SYTL2: variants seen among roughly 807,000 people sequenced by gnomAD.
The protein encoded by SYTL2 is synaptotagmin-like protein 2.
A neutral mutation model predicts 198.7 loss-of-function variants in SYTL2; 165 were observed. The observed-to-expected ratio is 0.83, with a 90% CI of 0.73 to 0.94. The LOEUF (loss-of-function observed/expected upper bound fraction) is 0.94, where lower values mean the gene tolerates loss of function less well. Ranked by LOEUF, SYTL2 falls within the 40% of genes least tolerant of loss-of-function variation. SYTL2 has a pLI of 0.00. For synonymous variants in SYTL2, 966 were observed against 917.7 expected (o/e 1.05, Z -0.95); for missense variants, 2,835 against 2,582.8 (o/e 1.10, Z -2.12).
chr11:85,702,950 CA>C (rs1423547104), intron 16 of SYTL2, among the ~76,000 whole-genome samples: 1 of 152,026 alleles, frequency 6.6e-6, no homozygotes, highest in African/African-American at 2.4e-5. Flanking sequence ...GAAATGGAAT[CA>C]AAATAGTCAA....
intron 1 of SYTL2, among the ~76,000 whole-genome samples, chr11:85,780,949 C>G (rs2092549345): frequency 6.6e-6 from 1 of 152,198 alleles, no homozygotes; most frequent in Non-Finnish European, 1.5e-5. Context: ...GGATACCCAG[C>G]TGGTGTTTGC....
chr11:85,768,823 C>A (rs1245537239), intron 1 of SYTL2, among the ~76,000 whole-genome samples: 1 of 152,074 alleles, frequency 6.6e-6, no homozygotes, highest in Non-Finnish European at 1.5e-5. Context: ...TCTTCAAACA[C>A]AAGAATTCTC....
At chr11:85,736,455 C>G (rs2090343227) in intron 6 of SYTL2, 46 bp downstream of exon 6, 1 of 1,012,900 alleles carries the variant, frequency 9.9e-7, no homozygotes, top group Non-Finnish European at 1.5e-6. Context: ...CCTTAGTCCA[C>G]AGATAACAAA....
intron 14 of SYTL2, among the ~76,000 whole-genome samples, chr11:85,708,983 C>A (rs573549423): frequency 6.6e-6 from 1 of 151,308 alleles, no homozygotes. Flanking sequence ...GGACTACAGG[C>A]GCCCGCCACC....
chr11:85,696,134 C>T, intron 19 of SYTL2, 49 bp downstream of exon 19: 1 of 1,516,138 alleles, frequency 6.6e-7, no homozygotes, highest in Non-Finnish European at 9.2e-7. Context: ...CCTCTAGTAT[C>T]TCTAGAAAAA....
intron 9 of SYTL2, among the ~76,000 whole-genome samples, chr11:85,719,830 T>C (rs1328224826): frequency 6.6e-6 from 1 of 152,170 alleles, no homozygotes; most frequent in Non-Finnish European, 1.5e-5. Flanking sequence ...TTTTCTTTTC[T>C]TTTTTTCATT....
chr11:85,832,661 A>AT, the SYTL2 span, among the ~76,000 whole-genome samples: 1 of 152,078 alleles, frequency 6.6e-6, no homozygotes, highest in Non-Finnish European at 1.5e-5. Context: ...ATGAGGAAAT[A>AT]ATGTTCAAGC....
chr11:85,719,868 T>G (rs963922008), intron 9 of SYTL2, among the ~76,000 whole-genome samples: 1 of 152,222 alleles, frequency 6.6e-6, no homozygotes, highest in Non-Finnish European at 1.5e-5. Flanking sequence ...TATTCTTAAT[T>G]GCAAATGCAC....
At chr11:85,761,967 G>T (rs116312486) in intron 1 of SYTL2, among the ~76,000 whole-genome samples, 343 of 152,290 alleles carry the variant, frequency 2.3e-3, no homozygotes, top group African/African-American at 7.4e-3. Context: ...CCCAAGGTAG[G>T]TCTTATTATC....
chr11:85,791,023 C>T (rs533680763), intron 1 of SYTL2, among the ~76,000 whole-genome samples: 3 of 151,538 alleles, frequency 2.0e-5, no homozygotes, highest in South Asian at 2.1e-4. Flanking sequence ...AAAAATTAGC[C>T]GGGCATGGTG....
At chr11:85,754,304 G>T (rs1329603876) in intron 2 of SYTL2, among the ~76,000 whole-genome samples, 1 of 152,144 alleles carries the variant, frequency 6.6e-6, no homozygotes, top group Non-Finnish European at 1.5e-5. Flanking sequence ...TCATTGTCCA[G>T]AGCAGTTCCT....
the SYTL2 span, among the ~76,000 whole-genome samples, chr11:85,841,828 T>G: frequency 2.0e-5 from 3 of 152,120 alleles, no homozygotes; most frequent in African/African-American, 4.8e-5. Flanking sequence ...AAAATAAAAG[T>G]TAAATTTTAA....
At chr11:85,754,646 A>T (rs1292342338) in intron 2 of SYTL2, among the ~76,000 whole-genome samples, 1 of 152,142 alleles carries the variant, frequency 6.6e-6, no homozygotes, top group Non-Finnish European at 1.5e-5. Context: ...CCTAAAAATT[A>T]TTTTACTTAA....
At chr11:85,732,153 A>T (rs1406384806) in intron 7 of SYTL2, among the ~76,000 whole-genome samples, 2 of 152,182 alleles carry the variant, frequency 1.3e-5, no homozygotes, top group Non-Finnish European at 2.9e-5. Flanking sequence ...TGGGAGTGTA[A>T]ATGAGTTCAA....
intron 1 of SYTL2, among the ~76,000 whole-genome samples, chr11:85,797,352 G>A (rs1157031832): frequency 6.6e-6 from 1 of 151,990 alleles, no homozygotes. Context: ...TTTTGGCCAG[G>A]AGCAGTGGCT....
At chr11:85,833,002 AAAAGAAAGAAAAGAAAGAAAGAAAGAAAG>A in the SYTL2 span, among the ~76,000 whole-genome samples, 218 of 91,786 alleles carry the variant, frequency 2.4e-3, 25 homozygotes, top group African/African-American at 8.4e-3. Flanking sequence ...TCTCAAAAAA[AAAAGAAAGAAAAGAAAGAAAGAAAGAAAG>A]AAAGAAAGAA....
At chr11:85,771,796 G>A (rs2153580165) in intron 1 of SYTL2, among the ~76,000 whole-genome samples, 1 of 152,278 alleles carries the variant, frequency 6.6e-6, no homozygotes, top group Non-Finnish European at 1.5e-5. Context: ...CTAAAATTGA[G>A]ACTAACCACT....
chr11:85,722,357 G>A (rs890645529), intron 8 of SYTL2, among the ~76,000 whole-genome samples: 5 of 151,836 alleles, frequency 3.3e-5, no homozygotes, highest in Non-Finnish European at 7.4e-5. Flanking sequence ...GTATTTTTTA[G>A]TAGAGATGGG....
intron 3 of SYTL2, 35 bp downstream of exon 3, chr11:85,748,237 T>C: frequency 2.5e-6 from 4 of 1,595,902 alleles, no homozygotes; most frequent in South Asian, 1.1e-5. Flanking sequence ...CCCAAACGAA[T>C]GCTTGTTGTA....
Sources: allele counts gnomAD v4.1 joint callset (sites outside exome capture counted in the v4.1 genomes callset), GRCh38; gene constraint gnomAD v4.1.1; transcripts MANE v1.5; gene names NCBI Gene and HGNC (gene_info 2026-07-23, HGNC 2026-07-21).